The following HFM1 variants were observed in gnomAD, a reference collection of about 807,000 sequenced individuals.
HFM1 encodes helicase for meiosis 1, also known as probable ATP-dependent DNA helicase HFM1.
Under a neutral mutation model 192.1 loss-of-function variants are expected in HFM1, and 169 were observed. That is an observed-to-expected ratio of 0.88 (90% CI 0.78 to 1.00). The LOEUF is 1.00. Ranked by LOEUF, HFM1 falls within the 50% of genes least tolerant of loss-of-function variation. The pLI, the probability that HFM1 is intolerant of heterozygous loss-of-function variation, is 0.00. For synonymous variants in HFM1, 525 were observed against 537.8 expected, an observed-to-expected ratio of 0.98 and a Z score of 0.33; for missense variants, 1,661 against 1,668.0, an observed-to-expected ratio of 1.00 and a Z score of 0.07.
chr1:91,364,192 GA>G (rs924541376), intron 13 of HFM1, among the ~76,000 whole-genome samples: 5 of 145,172 alleles, frequency 3.4e-5, no homozygotes, highest in East Asian at 2.0e-4. Flanking sequence ...AAAGTGGAAG[GA>G]AAAAAAAAAC....
chr1:91,314,564 T>C (rs912720536), intron 28 of HFM1, among the ~76,000 whole-genome samples: 59 of 152,214 alleles, frequency 3.9e-4, no homozygotes, highest in African/African-American at 1.4e-3. Flanking sequence ...AATCCCTAAT[T>C]TTTTTAATTA....
At chr1:91,321,142 C>G (rs980026738) in intron 23 of HFM1, among the ~76,000 whole-genome samples, 12 of 152,060 alleles carry the variant, frequency 7.9e-5, no homozygotes, top group Non-Finnish European at 2.9e-5. Flanking sequence ...TAAAAATAGC[C>G]TTAAATTAAA....
intron 6 of HFM1, among the ~76,000 whole-genome samples, 199 bp from the exon 7 acceptor site, chr1:91,381,181 G>A (rs568981954): frequency 1.4e-4 from 22 of 152,178 alleles, no homozygotes; most frequent in African/African-American, 4.8e-4. Flanking sequence ...AAAAGAATTT[G>A]CAAAGTTCTT....
chr1:91,287,094 G>A lies in HFM1; in HGVS notation c.3392-10032C>T, dbSNP rs999480693. ...CAGCGAGGCTGGGGGAGGGGTGCCCGCCACTGCCCAGGATTGCTTAGGTAA... is the reference window on the plus strand; with the variant it reads ...CAGCGAGGCTGGGGGAGGGGTGCCCACCACTGCCCAGGATTGCTTAGGTAA... On this transcript the variant is annotated intron_variant, in intron 30 of 38. Transcript: ENST00000370425. Among the ~76,000 whole-genome samples the A allele has an allele frequency of 7.2e-5, 11 of 152,234 alleles. No homozygotes were observed. The East Asian group carries it at 9.7e-4, about 13-fold the overall frequency.
At chr1:91,338,098 A>G (rs917992294) in intron 20 of HFM1, among the ~76,000 whole-genome samples, 1 of 152,160 alleles carries the variant, frequency 6.6e-6, no homozygotes, top group Non-Finnish European at 1.5e-5. Context: ...TGAGTTAAAC[A>G]GGTGAGGAGT....
intron 33 of HFM1, 82 bp from the exon 34 acceptor site, chr1:91,273,897 A>G: frequency 1.3e-6 from 1 of 761,414 alleles, no homozygotes; most frequent in Non-Finnish European, 2.1e-6. Flanking sequence ...TCATATAAAC[A>G]AAAATAATGA....
Position 91,343,430 on chromosome 1 carries a change from CAG to C in HFM1, c.2333_2334del (p.Thr778ArgfsTer14). ...TTTACTGACAATGATAAGAAATTAC[CAG>C]TTGGTTTGAAATTAACACCTTCATC... ...KMDEGVNFKP[T>X]EAGRLMAWYY... On this transcript the variant is annotated frameshift_variant and splice_region_variant, in exon 20 of 39. Coordinates refer to ENST00000370425, the MANE Select transcript of HFM1 (RefSeq NM_001017975.6). LOFTEE classifies it high-confidence loss of function. 6 of 1,330,790 alleles carry C rather than the reference CAG, an allele frequency of 4.5e-6. No individual in the cohort carries two copies. Among genetic ancestry groups the C allele is most frequent in the Non-Finnish European group, 6.3e-6 (6 of 955,044 alleles). 82.4% of individuals were successfully genotyped at this position (1,330,790 alleles called of 1,614,324 possible).
At chr1:91,339,053 A>G in intron 20 of HFM1, 2 of 455,158 alleles carry the variant, frequency 4.4e-6, no homozygotes, top group Non-Finnish European at 8.8e-6. Flanking sequence ...CCAGTCAACT[A>G]AACCCAACTT....
rs370715340 is a variant in HFM1, at chr1:91,262,464, G to C, written c.4086+17C>G. Reference sequence around the variant, plus strand: ...GGGCAAAATTTAAAAGAAAAACAAAGAAGTGCTTCTTCTTACAATAACTGC... The same window carrying C: ...GGGCAAAATTTAAAAGAAAAACAAACAAGTGCTTCTTCTTACAATAACTGC... On this transcript the variant is annotated intron_variant, in intron 37 of 38. Coordinates refer to ENST00000370425, the MANE Select transcript of HFM1 (RefSeq NM_001017975.6). 153 of 1,569,874 alleles carry C rather than the reference G, an allele frequency of 9.7e-5. 1 individual carries two copies. Among genetic ancestry groups the C allele is most frequent in the Non-Finnish European group, 1.3e-4 (151 of 1,147,446 alleles).
At chr1:91,318,907 T>C (rs1473865979) in intron 25 of HFM1, among the ~76,000 whole-genome samples, 171 bp downstream of exon 25, 1 of 152,218 alleles carries the variant, frequency 6.6e-6, no homozygotes, top group Admixed American at 6.5e-5. Flanking sequence ...AATGGAATCC[T>C]TTAAGCAGGA....
Position 91,379,179 on chromosome 1 carries a change from CA to C in HFM1, c.1041del (p.Phe347LeufsTer11). 1.2e-6 allele frequency: 2 copies of C among 1,610,092 alleles called. No homozygotes were observed. Among genetic ancestry groups the C allele is most frequent in the Non-Finnish European group, 1.7e-6 (2 of 1,178,130 alleles). On this transcript the variant is annotated frameshift_variant, in exon 9 of 39. Coordinates refer to ENST00000370425, the MANE Select transcript of HFM1 (RefSeq NM_001017975.6). LOFTEE classifies it high-confidence loss of function. ...GGTCCAAATTTTTCTTTCCAGTCAT[CA>C]AAACGCTGACTGCACAAGGCTTTTA... is the stretch of plus-strand genomic sequence containing the variant. ...APIKALCSQR[F>X]DDWKEKFGPI...
rs535074601 is a variant in HFM1 at position 91,297,291 on chromosome 1, G to A, written c.3391+16058C>T. Among the ~76,000 whole-genome samples the A allele has an allele frequency of 4.1e-4, 62 of 152,348 alleles. No homozygotes were observed. The East Asian group carries it at 9.3e-3, about 23-fold the overall frequency. ...GCTTGAGTAGGTAAACAAAGCAGCC[G>A]GGAAGCTTGAACTGGGTGGAGCCCA... is the stretch of plus-strand genomic sequence containing the variant. On this transcript the variant is annotated intron_variant, in intron 30 of 38. Transcript: ENST00000370425.
chr1:91,315,736 T>C, intron 28 of HFM1, 79 bp downstream of exon 28: 1 of 1,014,606 alleles, frequency 9.9e-7, no homozygotes, highest in East Asian at 2.5e-5. Context: ...AATGATCTTG[T>C]TATTTTTTTT....
intron 30 of HFM1, among the ~76,000 whole-genome samples, chr1:91,304,492 G>A (rs1649318118): frequency 6.6e-6 from 1 of 152,064 alleles, no homozygotes; most frequent in African/African-American, 2.4e-5. Context: ...TTGAGACAGA[G>A]TTTCGCTCTT....
intron 32 of HFM1, 49 bp from the exon 33 acceptor site, chr1:91,274,858 C>A: frequency 1.1e-6 from 1 of 926,322 alleles, no homozygotes; most frequent in Non-Finnish European, 1.7e-6. Context: ...ACATCAATAA[C>A]TTGTAACACA....
At chr1:91,299,504 C>A (rs966435672) in intron 30 of HFM1, among the ~76,000 whole-genome samples, 6 of 152,172 alleles carry the variant, frequency 3.9e-5, no homozygotes, top group Non-Finnish European at 8.8e-5. Context: ...CCACACCACA[C>A]CTATTCCAAA....
intron 30 of HFM1, among the ~76,000 whole-genome samples, chr1:91,279,708 C>G (rs1432868008): frequency 6.6e-6 from 1 of 152,284 alleles, no homozygotes; most frequent in East Asian, 1.9e-4. Flanking sequence ...ACCCTCATTT[C>G]CTTGCCCAAC....
At chr1:91,402,076 T>C (rs1039394956) in intron 1 of HFM1, among the ~76,000 whole-genome samples, 3 of 152,180 alleles carry the variant, frequency 2.0e-5, no homozygotes, top group South Asian at 4.1e-4. Flanking sequence ...ATCACATTTC[T>C]GTTTCTTCTG....
chr1:91,385,174 A>C lies in HFM1; in HGVS notation c.802+13T>G, dbSNP rs1241996864. On this transcript the variant is annotated intron_variant, in intron 6 of 38. Transcript: ENST00000370425. ...AAATACAAAGCAGCTATTGTAAATA[A>C]CTTAAAGGATACGAATTTCTGTGAC... The C allele has an allele frequency of 6.9e-7, 1 of 1,458,562 alleles. No individual in the cohort carries two copies. The highest frequency in any genetic ancestry group is 2.3e-5 in the East Asian group (1 of 43,770). The allele number at this position is 1,458,562 out of a possible 1,614,324, so 90.4% of individuals were successfully genotyped here. A position where few individuals can be genotyped will look rare whatever the true frequency, so the allele number is the denominator to read the frequency against.
Sources: gnomAD v4.1 joint callset for allele counts (sites outside exome capture counted in the v4.1 genomes callset) on GRCh38, gnomAD v4.1.1 for gene constraint, MANE v1.5 for transcripts, NCBI Gene and HGNC (gene_info 2026-07-23, HGNC 2026-07-21) for gene names.